The following DNMBP variants were observed in gnomAD, a reference collection of about 807,000 sequenced individuals.
The protein encoded by DNMBP is dynamin-binding protein.
In DNMBP, 87 loss-of-function variants were observed where a neutral mutation model predicts 150.0. That is an observed-to-expected ratio of 0.58 (90% confidence interval 0.49 to 0.69). The LOEUF (loss-of-function observed/expected upper bound fraction) is 0.69, where lower values mean the gene tolerates loss of function less well. Among genes scored for constraint, DNMBP ranks in the 30% least tolerant of loss-of-function variants. The pLI, the probability that DNMBP is intolerant of heterozygous loss-of-function variation, is 0.00. For synonymous variants in DNMBP, 711 were observed against 750.4 expected, an observed-to-expected ratio of 0.95 and a Z score of 0.86; for missense variants, 1,774 against 1,949.0, an observed-to-expected ratio of 0.91 and a Z score of 1.69.
chr10:99,895,173 T>G (rs1365473313), intron 10 of DNMBP, 123 bp from the exon 11 acceptor site: 2 of 610,378 alleles, frequency 3.3e-6, no homozygotes, highest in Non-Finnish European at 5.6e-6. Context: ...GTCGTCCAGG[T>G]TGGAGTGCAA....
intron 4 of DNMBP, among the ~76,000 whole-genome samples, chr10:99,911,595 G>A (rs971996959): frequency 6.6e-6 from 1 of 152,000 alleles, no homozygotes; most frequent in African/African-American, 2.4e-5. Context: ...TGGAGAGTGG[G>A]GATTGACAGA....
intron 1 of DNMBP, among the ~76,000 whole-genome samples, chr10:99,980,044 G>A (rs1267387757): frequency 2.6e-5 from 4 of 152,172 alleles, no homozygotes; most frequent in Non-Finnish European, 5.9e-5. Flanking sequence ...TGCAGCCCTT[G>A]CTCTTATATC....
chr10:99,960,563 CG>C (rs1167038709), intron 3 of DNMBP, among the ~76,000 whole-genome samples: 3 of 152,118 alleles, frequency 2.0e-5, no homozygotes, highest in Non-Finnish European at 4.4e-5. Flanking sequence ...CCCAGCACTT[CG>C]GGAGGCCGAG....
chr10:99,914,431 T>C (rs1169004385), intron 4 of DNMBP, among the ~76,000 whole-genome samples: 2 of 152,144 alleles, frequency 1.3e-5, no homozygotes, highest in African/African-American at 4.8e-5. Context: ...AACTGTGAAG[T>C]GGGCAGCAGT....
At position 99,956,130 on chromosome 10, in the gene DNMBP, G is replaced by A; in HGVS notation, c.1344C>T (p.Pro448=). Residue 448 remains proline (P), a synonymous_variant, in exon 4 of 17, where the codon CCC becomes CCT. Coordinates refer to ENST00000324109, the MANE Select transcript of DNMBP (RefSeq NM_015221.4). ...PHSEQYPDLL[P]LEARTRDYAS... is the part of the protein sequence containing the mutation. ...CATAGTCTCTAGTCCTTGCTTCTAG[G>A]GGAAGAAGGTCGGGGTACTGTTCTG... 6.2e-7 allele frequency: 1 copy of A among 1,614,122 alleles called. No individual in the cohort carries two copies. The highest frequency in any genetic ancestry group is 8.5e-7 in the Non-Finnish European group (1 of 1,180,020).
Position 99,969,097 on chromosome 10 carries a change from A to G in DNMBP, c.268+18T>C. 6.2e-7 allele frequency: 1 copy of G among 1,613,406 alleles called. No individual in the cohort carries two copies. The highest frequency in any genetic ancestry group is 8.5e-7 in the Non-Finnish European group (1 of 1,179,700). On this transcript the variant is annotated intron_variant, in intron 3 of 16. Coordinates refer to ENST00000324109, the MANE Select transcript of DNMBP (RefSeq NM_015221.4). The stretch of plus-strand genomic sequence containing the variant: ...AAAATCTAATTTCAAATAGTCTACT[A>G]TTTGATGAGCAGCTTACCTCGATGG...
chr10:99,945,976 A>G (rs2040352666), intron 4 of DNMBP, among the ~76,000 whole-genome samples: 1 of 152,204 alleles, frequency 6.6e-6, no homozygotes, highest in African/African-American at 2.4e-5. Context: ...TTTTTAATTG[A>G]GACGGAGTCT....
intron 1 of DNMBP, among the ~76,000 whole-genome samples, chr10:99,999,749 A>G (rs1230474868): frequency 6.6e-6 from 1 of 152,214 alleles, no homozygotes; most frequent in African/African-American, 2.4e-5. Flanking sequence ...GGTTGGTGCT[A>G]TCCACAGTTT....
intron 1 of DNMBP, among the ~76,000 whole-genome samples, chr10:99,995,115 C>T (rs924905324): frequency 2.5e-4 from 38 of 150,784 alleles, no homozygotes; most frequent in Admixed American, 6.6e-5. Flanking sequence ...TGCGGTGGTG[C>T]GATGACAGCT....
intron 6 of DNMBP, among the ~76,000 whole-genome samples, chr10:99,901,594 T>C (rs2039739254): frequency 1.3e-5 from 2 of 152,140 alleles, no homozygotes; most frequent in African/African-American, 4.8e-5. Context: ...ACAGAACAAT[T>C]GCCTTCAGAG....
chr10:99,889,935 A>G (rs946793485), intron 11 of DNMBP, among the ~76,000 whole-genome samples: 1 of 152,202 alleles, frequency 6.6e-6, no homozygotes, highest in East Asian at 1.9e-4. Flanking sequence ...GTCTTGGTTC[A>G]TGCTGTCACC....
intron 4 of DNMBP, among the ~76,000 whole-genome samples, chr10:99,926,276 T>C (rs2040077153): frequency 6.6e-6 from 1 of 152,198 alleles, no homozygotes; most frequent in African/African-American, 2.4e-5. Flanking sequence ...TTTATTTTTT[T>C]AACTTTTATT....
At chr10:99,974,952 G>A (rs1054238115) in intron 1 of DNMBP, among the ~76,000 whole-genome samples, 2 of 152,090 alleles carry the variant, frequency 1.3e-5, no homozygotes, top group African/African-American at 4.8e-5. Context: ...CCTTTTTGTA[G>A]AGACAGGGTT....
At chr10:99,886,166 C>T (rs2039458829) in intron 13 of DNMBP, 134 bp downstream of exon 13, 1 of 784,128 alleles carries the variant, frequency 1.3e-6, no homozygotes, top group African/African-American at 1.7e-5. Context: ...ATTAAGATTT[C>T]CTGAGGGATG....
chr10:99,955,812 T>C lies in DNMBP; in HGVS notation c.1662A>G (p.Gln554=), dbSNP rs899935284. The C allele has an allele frequency of 6.2e-7, 1 of 1,614,232 alleles. No homozygotes were observed. The highest frequency in any genetic ancestry group is 2.2e-5 in the East Asian group (1 of 44,882). ...AGCTCTTCTCAAACTCGATCAGCTG[T>C]TGTGTCAGCTTCGAGTCCAGGTCAG... The part of the protein sequence containing the change: ...GSTDLDSKLT[Q]QLIEFEKSLA... Residue 554 remains glutamine, a synonymous_variant, in exon 4 of 17, where the codon CAA becomes CAG. Transcript: ENST00000324109.
chr10:99,985,438 C>CT (rs1468736291), intron 1 of DNMBP, among the ~76,000 whole-genome samples: 2 of 152,128 alleles, frequency 1.3e-5, no homozygotes, highest in African/African-American at 4.8e-5. Context: ...CAGTGTCCTT[C>CT]TTTTTTTGAG....
chr10:99,917,003 T>TA (rs1002369686), intron 4 of DNMBP, among the ~76,000 whole-genome samples: 4 of 151,402 alleles, frequency 2.6e-5, no homozygotes, highest in Admixed American at 2.6e-4. Flanking sequence ...TCTGTCTCAA[T>TA]AAAAAACCAA....
intron 6 of DNMBP, among the ~76,000 whole-genome samples, chr10:99,903,368 C>T (rs2133235810): frequency 6.6e-6 from 1 of 151,822 alleles, no homozygotes; most frequent in South Asian, 2.1e-4. Flanking sequence ...GGGCCTTGCT[C>T]TGTCACCCAG....
chr10:99,965,751 C>G (rs1363547741), intron 3 of DNMBP, among the ~76,000 whole-genome samples: 2 of 152,176 alleles, frequency 1.3e-5, no homozygotes, highest in East Asian at 1.9e-4. Flanking sequence ...CCCGCCTAGG[C>G]CTCCCAAAGT....
Sources: allele counts gnomAD v4.1 joint callset (sites outside exome capture counted in the v4.1 genomes callset), GRCh38; gene constraint gnomAD v4.1.1; transcripts MANE v1.5; gene names NCBI Gene and HGNC (gene_info 2026-07-23, HGNC 2026-07-21).